Variants in MCF2L2 observed in about 807,000 individuals in gnomAD.
MCF2L2 encodes the protein probable guanine nucleotide exchange factor MCF2L2.
In MCF2L2, 102 loss-of-function variants were observed where a neutral mutation model predicts 150.2. That is an observed-to-expected ratio of 0.68 (90% confidence interval 0.58 to 0.80). MCF2L2 has a LOEUF of 0.80. Among genes scored for constraint, MCF2L2 ranks in the 30% least tolerant of loss-of-function variants. MCF2L2 has a pLI of 0.00. For synonymous variants in MCF2L2, 465 were observed against 491.3 expected, an observed-to-expected ratio of 0.95 and a Z score of 0.71; for missense variants, 1,256 against 1,372.8, an observed-to-expected ratio of 0.91 and a Z score of 1.34.
In MCF2L2 at chr3:183,338,928, ATCAGGAAAAGTG is replaced by A. The variant is rs749992490; in HGVS notation, c.367-21_367-10del. ...TTTCCTGGAAATGCCACCTGCAAGC[ATCAGGAAAAGTG>A]TCAGGAGGAGAGAGAAAAATGTCAT... is the stretch of plus-strand genomic sequence containing the variant. On this transcript the variant is annotated splice_polypyrimidine_tract_variant and intron_variant, in intron 4 of 29. Coordinates refer to ENST00000328913, the MANE Select transcript of MCF2L2 (RefSeq NM_015078.4). 6.3e-7 allele frequency: 1 copy of A among 1,595,896 alleles called. No individual in the cohort carries two copies. The highest frequency in any genetic ancestry group is 1.1e-5 in the South Asian group (1 of 89,380).
intron 6 of MCF2L2, among the ~76,000 whole-genome samples, chr3:183,322,949 T>C (rs1263278282): frequency 6.6e-6 from 1 of 152,172 alleles, no homozygotes; most frequent in Non-Finnish European, 1.5e-5. Context: ...TTCTCTGAGG[T>C]ATAACAGGCT....
rs902637042 is a variant in MCF2L2, at chr3:183,379,911, G to A, written c.161-500C>T. ...TGTATGTATATATATAGATATATAT[G>A]ACCTACCATTTTATTATATAGGAAT... On this transcript the variant is annotated intron_variant, in intron 2 of 29. Transcript: ENST00000328913. Among the ~76,000 whole-genome samples the A allele has an allele frequency of 2.0e-5, 3 of 151,376 alleles. No individual in the cohort carries two copies. In the East Asian group the frequency reaches 5.8e-4, roughly 29 times the overall value.
chr3:183,238,479 G>A (rs1477381764), intron 15 of MCF2L2, among the ~76,000 whole-genome samples: 2 of 151,400 alleles, frequency 1.3e-5, no homozygotes, highest in African/African-American at 2.4e-5. Flanking sequence ...TATTTTTGTA[G>A]AGATGGGGTT....
chr3:183,398,539 T>C (rs1037212053), intron 1 of MCF2L2, among the ~76,000 whole-genome samples: 13 of 151,284 alleles, frequency 8.6e-5, no homozygotes, highest in Admixed American at 2.0e-4. Flanking sequence ...TAATCATATG[T>C]TATAAATATA....
chr3:183,401,440 G>A (rs987684422), intron 1 of MCF2L2, among the ~76,000 whole-genome samples: 2 of 152,072 alleles, frequency 1.3e-5, no homozygotes, highest in African/African-American at 2.4e-5. Flanking sequence ...TTTTTTAAAG[G>A]TTTTTAACTT....
At chr3:183,284,652 A>G (rs148514126) in intron 14 of MCF2L2, among the ~76,000 whole-genome samples, 1 of 152,072 alleles carries the variant, frequency 6.6e-6, no homozygotes, top group East Asian at 1.9e-4. Flanking sequence ...CAGTGAGCTG[A>G]GATCACTCCA....
chr3:183,247,884 C>T (rs887831539), intron 15 of MCF2L2, among the ~76,000 whole-genome samples: 2 of 151,998 alleles, frequency 1.3e-5, no homozygotes, highest in Non-Finnish European at 2.9e-5. Context: ...GGTCCTGGAA[C>T]CAATTCCCCA....
In MCF2L2 at chr3:183,205,865, G is replaced by C. The variant is rs201244224; in HGVS notation, c.2884+11C>G. ...TAACTCGACAGACGAAAGTCAGCAG[G>C]GGTAACCTACCTTTGATATTATTTT... On this transcript the variant is annotated intron_variant, in intron 25 of 29. Coordinates refer to ENST00000328913, the MANE Select transcript of MCF2L2 (RefSeq NM_015078.4). The C allele has an allele frequency of 1.2e-6, 2 of 1,607,890 alleles. No homozygotes were observed. The highest frequency in any genetic ancestry group is 1.3e-5 in the African/African-American group (1 of 74,886).
chr3:183,290,636 C>G (rs540219900), intron 13 of MCF2L2, among the ~76,000 whole-genome samples: 1 of 151,984 alleles, frequency 6.6e-6, no homozygotes, highest in Non-Finnish European at 1.5e-5. Flanking sequence ...CAGGTTCAAG[C>G]GATTCTTCTG....
chr3:183,310,640 G>A (rs1409388702), intron 9 of MCF2L2: 2 of 357,826 alleles, frequency 5.6e-6, no homozygotes, highest in African/African-American at 4.3e-5. Flanking sequence ...TCCGGCCGGA[G>A]TGACAGAGCA....
intron 27 of MCF2L2, chr3:183,192,757 G>A: frequency 2.4e-6 from 1 of 414,706 alleles, no homozygotes. Flanking sequence ...AGTGGATAAG[G>A]GGGTGCTCCT....
chr3:183,342,543 G>A (rs572460047), intron 3 of MCF2L2, among the ~76,000 whole-genome samples: 1 of 152,030 alleles, frequency 6.6e-6, no homozygotes, highest in East Asian at 1.9e-4. Flanking sequence ...CTTAACCCCT[G>A]TAGTTTCTCA....
chr3:183,318,262 A>G, intron 6 of MCF2L2, 45 bp from the exon 7 acceptor site: 1 of 1,601,218 alleles, frequency 6.2e-7, no homozygotes, highest in East Asian at 2.2e-5. Context: ...ATTAACATTC[A>G]CCAACATGCT....
At chr3:183,400,253 T>C (rs529823979) in intron 1 of MCF2L2, 31 of 331,832 alleles carry the variant, frequency 9.3e-5, no homozygotes, top group African/African-American at 5.2e-4. Context: ...AGTAAGATTT[T>C]TTTTAATGTA....
At chr3:183,230,001 T>A (rs569254821) in intron 16 of MCF2L2, among the ~76,000 whole-genome samples, 1 of 152,346 alleles carries the variant, frequency 6.6e-6, no homozygotes, top group Non-Finnish European at 1.5e-5. Flanking sequence ...TAAAATGGCA[T>A]TTTTGTGGGA....
intron 5 of MCF2L2, among the ~76,000 whole-genome samples, chr3:183,330,766 C>A (rs1354383476): frequency 6.6e-6 from 1 of 151,826 alleles, no homozygotes; most frequent in African/African-American, 2.4e-5. Flanking sequence ...AGAAAAAAGG[C>A]AGAATAATTG....
At chr3:183,375,572 C>T (rs888788743) in intron 3 of MCF2L2, 5 of 152,094 alleles carry the variant, frequency 3.3e-5, no homozygotes, top group African/African-American at 7.2e-5. Flanking sequence ...CATCGTACAC[C>T]GCACCCTACA....
chr3:183,377,037 A>C (rs897634758), intron 3 of MCF2L2: 1 of 152,084 alleles, frequency 6.6e-6, no homozygotes, highest in African/African-American at 2.4e-5. Context: ...GCATTTTTAA[A>C]TTTTTACTTT....
intron 10 of MCF2L2, among the ~76,000 whole-genome samples, chr3:183,304,874 C>T (rs191854429): frequency 4.6e-5 from 7 of 152,188 alleles, no homozygotes; most frequent in Non-Finnish European, 7.4e-5. Flanking sequence ...GAATAGATGT[C>T]GAATGAATGA....
Sources: allele counts gnomAD v4.1 joint callset (sites outside exome capture counted in the v4.1 genomes callset), GRCh38; gene constraint gnomAD v4.1.1; transcripts MANE v1.5; gene names NCBI Gene and HGNC (gene_info 2026-07-23, HGNC 2026-07-21).